The following NDUFAF5 variants were observed in gnomAD, a reference collection of about 807,000 sequenced individuals.
NDUFAF5 encodes the protein NADH:ubiquinone oxidoreductase complex assembly factor 5.
In NDUFAF5, 34 loss-of-function variants were observed where a neutral mutation model predicts 48.9. The observed-to-expected ratio is 0.70, with a 90% CI of 0.53 to 0.93. The LOEUF (loss-of-function observed/expected upper bound fraction) is 0.93. Among genes scored for constraint, NDUFAF5 ranks in the 40% least tolerant of loss-of-function variants. NDUFAF5 has a pLI of 0.00. For missense variants in NDUFAF5, 428 were observed against 427.5 expected, an observed-to-expected ratio of 1.00 and a Z score of -0.01; for synonymous variants, 153 against 150.6, an observed-to-expected ratio of 1.02 and a Z score of -0.12.
intron 2 of NDUFAF5, 68 bp from the exon 3 acceptor site, chr20:13,788,521 G>GA (rs1384315659): frequency 7.9e-7 from 1 of 1,265,274 alleles, no homozygotes; most frequent in Non-Finnish European, 1.2e-6. Context: ...TTTTACCTAA[G>GA]AAAAAATAAT....
chr20:13,786,547 A>G (rs1981168679), intron 1 of NDUFAF5, among the ~76,000 whole-genome samples: 1 of 152,178 alleles, frequency 6.6e-6, no homozygotes, highest in African/African-American at 2.4e-5. Flanking sequence ...ATGACGTACA[A>G]GGTGGACTCC....
chr20:13,791,567 G>T (rs1982285650), intron 3 of NDUFAF5, among the ~76,000 whole-genome samples: 2 of 152,146 alleles, frequency 1.3e-5, no homozygotes, highest in Non-Finnish European at 2.9e-5. Flanking sequence ...AAGATGCCAG[G>T]AATAGTAAGA....
chr20:13,785,404 A>T, intron 1 of NDUFAF5, 114 bp downstream of exon 1: 1 of 854,314 alleles, frequency 1.2e-6, no homozygotes, highest in Non-Finnish European at 1.8e-6. Flanking sequence ...GACCTTGACC[A>T]GCAGCCCTGC....
intron 5 of NDUFAF5, among the ~76,000 whole-genome samples, chr20:13,795,239 C>T (rs941641422): frequency 5.3e-5 from 8 of 152,090 alleles, no homozygotes; most frequent in Admixed American, 4.6e-4. Flanking sequence ...TGGAATTGCT[C>T]TTGTTGGGAG....
At position 13,789,886 on chromosome 20, in the gene NDUFAF5, A is replaced by G. The variant is rs555093384; in HGVS notation, c.327+1234A>G. On this transcript the variant is annotated intron_variant, in intron 3 of 10. Transcript: ENST00000378106. ...AAAACACTATTATTGGTAATAGTAA[A>G]TGCCATAGAAATGGTGCAGTCATTA... is the stretch of plus-strand genomic sequence containing the variant. 3.9e-5 allele frequency among the ~76,000 whole-genome samples: 6 copies of G among 152,320 alleles called. No individual in the cohort carries two copies. The South Asian group carries it at 1.2e-3, about 32-fold the overall frequency.
At chr20:13,806,778 T>C (rs967496135) in intron 7 of NDUFAF5, among the ~76,000 whole-genome samples, 3 of 152,234 alleles carry the variant, frequency 2.0e-5, no homozygotes, top group African/African-American at 7.2e-5. Context: ...ATGGTCTCAC[T>C]ACCTAGAGGT....
In NDUFAF5 at chr20:13,816,429, G is replaced by GT. The variant is rs1299797594; in HGVS notation, c.779-33dup. On this transcript the variant is annotated intron_variant, in intron 8 of 10. Transcript: ENST00000378106. ...TATTGAGCTGTTCAGGGTGTTTGCT[G>GT]TATTATCTCAAACTACCTGTAGTGT... The GT allele has an allele frequency of 2.0e-6, 3 of 1,478,316 alleles. No individual in the cohort carries two copies. In the East Asian group the frequency reaches 6.8e-5, roughly 33 times the overall value. 91.6% of individuals were successfully genotyped at this position (1,478,316 alleles called of 1,614,324 possible). A position where few individuals can be genotyped will look rare whatever the true frequency, so the allele number is the denominator to read the frequency against.
rs1313675971 is a variant in NDUFAF5 at position 13,818,128 on chromosome 20, T to TC, written c.*919dup. 1.1e-5 allele frequency: 5 copies of TC among 454,016 alleles called. No individual in the cohort carries two copies. Among genetic ancestry groups the TC allele is most frequent in the African/African-American group, 1.0e-4 (5 of 50,020 alleles). The allele number at this position is 454,016 out of a possible 1,614,324, so 28.1% of individuals were successfully genotyped here. On this transcript the variant is annotated 3_prime_UTR_variant, in exon 11 of 11. Coordinates refer to ENST00000378106, the MANE Select transcript of NDUFAF5 (RefSeq NM_024120.5). ...CCTTCTGTCTCCTCTCAGTCTCTCT[T>TC]CTGCCTTCCTTCCCTCCTTTACTGT...
intron 9 of NDUFAF5, 35 bp from the exon 10 acceptor site, chr20:13,816,840 A>AT: frequency 2.0e-6 from 3 of 1,490,716 alleles, no homozygotes; most frequent in Non-Finnish European, 2.8e-6. Context: ...TCCTACTTGC[A>AT]TTTTTTCAGA....
intron 8 of NDUFAF5, chr20:13,814,353 G>C (rs556528739): frequency 1.3e-6 from 1 of 782,372 alleles, no homozygotes. Flanking sequence ...TTTTACATTT[G>C]TGGTGTATTT....
At position 13,788,577 on chromosome 20, in the gene NDUFAF5, CTT is replaced by C; in HGVS notation, c.264-4_264-3del. On this transcript the variant is annotated splice_polypyrimidine_tract_variant and intron_variant, in intron 2 of 10. Transcript: ENST00000378106. ...TATGGACAGAGCATAACCTCTGTGT[CTT>C]TTTTTTTAGAAATTTCCCCCTTGCT... The C allele has an allele frequency of 6.4e-7, 1 of 1,574,630 alleles. No individual in the cohort carries two copies.
intron 1 of NDUFAF5, 115 bp downstream of exon 1, chr20:13,785,405 GCAGC>G: frequency 1.2e-6 from 1 of 849,760 alleles, no homozygotes; most frequent in Non-Finnish European, 1.8e-6. Flanking sequence ...ACCTTGACCA[GCAGC>G]CCTGCCTCTT....
chr20:13,812,182 A>T (rs1428698570), intron 8 of NDUFAF5, among the ~76,000 whole-genome samples: 1 of 152,112 alleles, frequency 6.6e-6, no homozygotes, highest in South Asian at 2.1e-4. Flanking sequence ...GGTTCATTTG[A>T]CCTATCGTGC....
At chr20:13,814,286 C>G (rs1008810241) in intron 8 of NDUFAF5, 1 of 405,482 alleles carries the variant, frequency 2.5e-6, no homozygotes, top group African/African-American at 2.1e-5. Context: ...GGGAGACTTT[C>G]AGGTGTGCCA....
rs956742191 is a variant in NDUFAF5, at chr20:13,807,454, T to C, written c.718-1388T>C. ...TTTATAGACCCATAGAATACACTTA[T>C]GTCATTTAAACTTACTTATATAATA... On this transcript the variant is annotated intron_variant, in intron 7 of 10. Transcript: ENST00000378106. Among the ~76,000 whole-genome samples, 12 of 152,164 alleles carry C rather than the reference T, an allele frequency of 7.9e-5. No individual in the cohort carries two copies. In the South Asian group the frequency reaches 1.5e-3, roughly 18 times the overall value.
At chr20:13,814,755 T>C (rs1986268815) in intron 8 of NDUFAF5, among the ~76,000 whole-genome samples, 1 of 152,034 alleles carries the variant, frequency 6.6e-6, no homozygotes, top group Non-Finnish European at 1.5e-5. Context: ...CATTAGGAGG[T>C]GTTACTCTTT....
intron 1 of NDUFAF5, among the ~76,000 whole-genome samples, chr20:13,786,200 A>G (rs1049862644): frequency 2.0e-5 from 3 of 152,214 alleles, no homozygotes; most frequent in Admixed American, 2.0e-4. Flanking sequence ...TGCAACAAAC[A>G]GTTATTGAAC....
At chr20:13,787,797 C>T (rs1157916452) in intron 2 of NDUFAF5, among the ~76,000 whole-genome samples, 1 of 152,098 alleles carries the variant, frequency 6.6e-6, no homozygotes, top group African/African-American at 2.4e-5. Context: ...TTTGACAAAG[C>T]TTTTTAAAAA....
At chr20:13,811,060 G>C (rs1985797557) in intron 8 of NDUFAF5, among the ~76,000 whole-genome samples, 1 of 152,102 alleles carries the variant, frequency 6.6e-6, no homozygotes, top group African/African-American at 2.4e-5. Flanking sequence ...GTTTGGGTTG[G>C]GGGTTTGCTA....
Sources: gnomAD v4.1 joint callset for allele counts (sites outside exome capture counted in the v4.1 genomes callset) on GRCh38, gnomAD v4.1.1 for gene constraint, MANE v1.5 for transcripts, NCBI Gene and HGNC (gene_info 2026-07-23, HGNC 2026-07-21) for gene names.